Variants in COL21A1 observed in about 807,000 individuals in gnomAD.
COL21A1 encodes collagen alpha-1(XXI) chain.
In COL21A1, 149 loss-of-function variants were observed where a neutral mutation model predicts 137.9. That is an observed-to-expected ratio of 1.08 (90% CI 0.95 to 1.24). The LOEUF (loss-of-function observed/expected upper bound fraction) is 1.24. Among genes scored for constraint, COL21A1 ranks in the 50% most tolerant of loss-of-function variants. COL21A1 has a pLI of 0.00. For synonymous variants in COL21A1, 456 were observed against 391.5 expected (o/e 1.16, Z -1.95); for missense variants, 1,167 against 1,158.4 (o/e 1.01, Z -0.11).
intron 9 of COL21A1, among the ~76,000 whole-genome samples, chr6:56,158,713 G>GA (rs981439165): frequency 6.6e-6 from 1 of 151,540 alleles, no homozygotes; most frequent in Non-Finnish European, 1.5e-5. Flanking sequence ...GAAACAACAG[G>GA]AAAAAAAATG....
In COL21A1 at chr6:56,240,687, G is replaced by C. The variant is rs1274834069; in HGVS notation, c.-39+6700C>G. Among the ~76,000 whole-genome samples, 3 of 152,132 alleles carry C rather than the reference G, an allele frequency of 2.0e-5. No individual in the cohort carries two copies. The East Asian group carries it at 5.8e-4, about 29-fold the overall frequency. ...AAAATATACAAATGGCAAAATGAAA[G>C]AGAACTTTGCAAGCACACCTGTCTA... On this transcript the variant is annotated intron_variant, in intron 1 of 29. Transcript: ENST00000244728.
At position 56,139,024 on chromosome 6, in the gene COL21A1, A is replaced by G. The variant is rs77461960; in HGVS notation, c.1542+2761T>C. ...TGGACTCCACATGGACACTTCGCCC[A>G]TAATAAGAGGAGGAAAGGCAGAATA... On this transcript the variant is annotated intron_variant, in intron 12 of 29. Transcript: ENST00000244728. Among the ~76,000 whole-genome samples, 1,121 of 152,282 alleles carry G rather than the reference A, an allele frequency of 7.4e-3. 6 individuals are homozygous for G. The highest frequency in any genetic ancestry group is 0.012 in the Non-Finnish European group (804 of 68,008).
intron 1 of COL21A1, among the ~76,000 whole-genome samples, chr6:56,357,553 T>C (rs1404286994): frequency 3.3e-5 from 5 of 152,200 alleles, no homozygotes; most frequent in Non-Finnish European, 7.3e-5. Flanking sequence ...TTCCATAACA[T>C]TTTTCACCAC....
At chr6:56,169,879 AC>A (rs1674311195) in intron 5 of COL21A1, among the ~76,000 whole-genome samples, 1 of 151,926 alleles carries the variant, frequency 6.6e-6, no homozygotes, top group African/African-American at 2.4e-5. Flanking sequence ...AGAATCTGGC[AC>A]ACTGGCTTTA....
At chr6:56,141,079 G>A (rs1201807656) in intron 12 of COL21A1, among the ~76,000 whole-genome samples, 1 of 152,062 alleles carries the variant, frequency 6.6e-6, no homozygotes, top group East Asian at 1.9e-4. Context: ...CCCTTTTTAT[G>A]TTTAGTGTGT....
chr6:56,149,373 A>C (rs1775101934), intron 10 of COL21A1, among the ~76,000 whole-genome samples: 1 of 152,250 alleles, frequency 6.6e-6, no homozygotes, highest in Admixed American at 6.5e-5. Flanking sequence ...AAACCAGATT[A>C]GTAGTCAGAA....
intron 1 of COL21A1, among the ~76,000 whole-genome samples, chr6:56,352,770 T>G (rs1765739890): frequency 1.3e-5 from 2 of 152,160 alleles, no homozygotes; most frequent in South Asian, 4.1e-4. Flanking sequence ...CCAGGTGCAG[T>G]GGTTCACACC....
In COL21A1 at chr6:56,069,100, C is replaced by G; in HGVS notation, c.2037G>C (p.Thr679=). The G allele has an allele frequency of 6.3e-7, 1 of 1,599,154 alleles. No homozygotes were observed. The highest frequency in any genetic ancestry group is 8.5e-7 in the Non-Finnish European group (1 of 1,172,558). The change falls in exon 22 of 30, where the codon ACG becomes ACC. Residue 679 remains threonine (T), a synonymous_variant. Coordinates refer to ENST00000244728, the MANE Select transcript of COL21A1 (RefSeq NM_030820.4). ...TGTATCCTGGTTCTCCTGGGGAACCCGTTGCTCCTGGTTCTCCCTATGTAA... is the reference window on the plus strand; with the variant it reads ...TGTATCCTGGTTCTCCTGGGGAACCGGTTGCTCCTGGTTCTCCCTATGTAA... The part of the protein sequence containing the change: ...ASGLKGEPGA[T]GSPGEPGYMG...
intron 1 of COL21A1, among the ~76,000 whole-genome samples, chr6:56,292,391 A>ACCCCCCCC (rs35462264): frequency 6.4e-5 from 8 of 125,234 alleles, no homozygotes; most frequent in South Asian, 3.2e-4. Context: ...CAAAACAGGG[A>ACCCCCCCC]CCCCCCCCCT....
intron 1 of COL21A1, among the ~76,000 whole-genome samples, chr6:56,202,732 C>T (rs142895622): frequency 2.0e-5 from 3 of 152,218 alleles, no homozygotes; most frequent in South Asian, 2.1e-4. Context: ...ACATAATATC[C>T]GTCAAAACCA....
intron 17 of COL21A1, among the ~76,000 whole-genome samples, chr6:56,098,034 A>AAT (rs1769686043): frequency 3.3e-5 from 1 of 30,008 alleles, no homozygotes; most frequent in African/African-American, 1.4e-4. Flanking sequence ...TATATATGTA[A>AAT]ATATATAAAT....
chr6:56,198,769 A>G (rs1779195218), intron 1 of COL21A1, among the ~76,000 whole-genome samples: 2 of 152,154 alleles, frequency 1.3e-5, no homozygotes, highest in Non-Finnish European at 2.9e-5. Context: ...ATGGGTCATT[A>G]GACACTTTGC....
intron 1 of COL21A1, among the ~76,000 whole-genome samples, chr6:56,355,289 AAC>A (rs1436378958): frequency 6.6e-6 from 1 of 152,224 alleles, no homozygotes; most frequent in African/African-American, 2.4e-5. Flanking sequence ...AATTTCTAGA[AAC>A]ACAGTGGACA....
intron 10 of COL21A1, among the ~76,000 whole-genome samples, chr6:56,154,943 G>T (rs1331201392): frequency 6.6e-6 from 1 of 151,944 alleles, no homozygotes; most frequent in African/African-American, 2.4e-5. Context: ...TGAGTTCAGG[G>T]GTACATGTGC....
intron 10 of COL21A1, among the ~76,000 whole-genome samples, chr6:56,148,953 TC>T (rs1268352553): frequency 6.6e-6 from 1 of 152,304 alleles, no homozygotes; most frequent in African/African-American, 2.4e-5. Context: ...AATCTAACAC[TC>T]CAGAAGCAGG....
At chr6:56,367,623 T>G (rs576871398) in intron 1 of COL21A1, among the ~76,000 whole-genome samples, 1 of 152,350 alleles carries the variant, frequency 6.6e-6, no homozygotes, top group Non-Finnish European at 1.5e-5. Flanking sequence ...TGAATTCATC[T>G]TCTCTGGAAC....
At chr6:56,282,127 G>C (rs1763800349) in intron 1 of COL21A1, among the ~76,000 whole-genome samples, 2 of 152,082 alleles carry the variant, frequency 1.3e-5, no homozygotes, top group African/African-American at 4.8e-5. Context: ...CTATTGGTTG[G>C]GGTCATACAC....
At chr6:56,119,973 G>A (rs962412195) in intron 16 of COL21A1, among the ~76,000 whole-genome samples, 5 of 152,040 alleles carry the variant, frequency 3.3e-5, no homozygotes, top group Non-Finnish European at 7.4e-5. Context: ...AAACATTGGG[G>A]GAAATCTCCA....
chr6:56,143,123 T>G (rs1406203632), intron 10 of COL21A1, among the ~76,000 whole-genome samples: 1 of 152,144 alleles, frequency 6.6e-6, no homozygotes, highest in Admixed American at 6.5e-5. Context: ...TCCTTTTACA[T>G]GCATTTACAT....
Sources: allele counts gnomAD v4.1 joint callset (sites outside exome capture counted in the v4.1 genomes callset), GRCh38; gene constraint gnomAD v4.1.1; transcripts MANE v1.5; gene names NCBI Gene and HGNC (gene_info 2026-07-23, HGNC 2026-07-21).